The following MAST4 variants were observed in gnomAD, a reference collection of about 807,000 sequenced individuals.
MAST4 encodes microtubule associated serine/threonine kinase family member 4, also known as microtubule-associated serine/threonine-protein kinase 4.
A neutral mutation model predicts 162.7 loss-of-function variants in MAST4; 89 were observed. That is an observed-to-expected ratio of 0.55 (90% CI 0.46 to 0.65). The LOEUF is 0.65. MAST4 is among the 30% of genes least tolerant of loss of function. MAST4 has a pLI of 0.00. For missense variants in MAST4, 3,153 were observed against 3,374.0 expected, an observed-to-expected ratio of 0.93 and a Z score of 1.62; for synonymous variants, 1,479 against 1,361.1, an observed-to-expected ratio of 1.09 and a Z score of -1.91.
chr5:66,710,593 G>GA lies in MAST4; in HGVS notation c.364-49111dup, dbSNP rs1221344105. Among the ~76,000 whole-genome samples, 18 of 152,086 alleles carry GA rather than the reference G, an allele frequency of 1.2e-4. 1 individual carries two copies. Among genetic ancestry groups the GA allele is most frequent in the Non-Finnish European group, 2.9e-5 (2 of 68,006 alleles). On this transcript the variant is annotated intron_variant, in intron 1 of 28. Transcript: ENST00000403625. ...AAAATAATAGGCTGATTTTTTGGGG[G>GA]AAAAATCTAGGTTATGGAGTCTTTT...
At chr5:66,725,927 T>C (rs1751487506) in intron 1 of MAST4, among the ~76,000 whole-genome samples, 1 of 152,192 alleles carries the variant, frequency 6.6e-6, no homozygotes. Context: ...GTGCCTCTTT[T>C]GTAACAGTAA....
At chr5:66,726,976 T>C (rs1751562791) in intron 1 of MAST4, among the ~76,000 whole-genome samples, 1 of 151,944 alleles carries the variant, frequency 6.6e-6, no homozygotes, top group Admixed American at 6.6e-5. Context: ...TACAATATAG[T>C]GGAGAAGGGT....
chr5:66,731,597 CT>C (rs1426023565), intron 1 of MAST4, among the ~76,000 whole-genome samples: 1 of 151,948 alleles, frequency 6.6e-6, no homozygotes, highest in African/African-American at 2.4e-5. Context: ...TCTCTTCCAA[CT>C]TTTTTTTGTT....
intron 11 of MAST4, among the ~76,000 whole-genome samples, chr5:67,111,134 G>T (rs1766186644): frequency 6.6e-6 from 1 of 152,114 alleles, no homozygotes; most frequent in African/African-American, 2.4e-5. Context: ...AGTTAAAACT[G>T]TGAACAAATA....
chr5:66,974,408 A>G (rs1472108270), intron 4 of MAST4, among the ~76,000 whole-genome samples: 4 of 152,182 alleles, frequency 2.6e-5, no homozygotes, highest in Admixed American at 2.6e-4. Flanking sequence ...CTGCTTTTCT[A>G]TTTCATGACA....
At chr5:66,813,201 G>A (rs1273882052) in intron 3 of MAST4, among the ~76,000 whole-genome samples, 1 of 152,246 alleles carries the variant, frequency 6.6e-6, no homozygotes, top group East Asian at 1.9e-4. Flanking sequence ...TTCATCTCAA[G>A]ACTTTTCTAT....
intron 2 of MAST4, among the ~76,000 whole-genome samples, chr5:66,770,173 T>G (rs911981642): frequency 1.3e-5 from 2 of 152,252 alleles, no homozygotes; most frequent in South Asian, 4.1e-4. Context: ...TGACAATGCA[T>G]GGTTTTAAGA....
At chr5:66,639,278 TTGTGTGTGTGTGTGTG>T (rs70987132) in intron 1 of MAST4, among the ~76,000 whole-genome samples, 1 of 138,624 alleles carries the variant, frequency 7.2e-6, no homozygotes, top group Non-Finnish European at 1.6e-5. Context: ...GAGAGGCAGC[TTGTGTGTGTGTGTGTG>T]TGTGTGTGTG....
intron 3 of MAST4, among the ~76,000 whole-genome samples, chr5:66,833,567 T>C (rs560620020): frequency 2.6e-5 from 4 of 152,330 alleles, no homozygotes; most frequent in African/African-American, 9.6e-5. Context: ...TCCAGATTCC[T>C]GTTTCATAAC....
At chr5:66,934,112 A>G in intron 4 of MAST4, among the ~76,000 whole-genome samples, 1 of 152,232 alleles carries the variant, frequency 6.6e-6, no homozygotes, top group East Asian at 1.9e-4. Flanking sequence ...CATGTAAAGT[A>G]ACAATATGAA....
intron 1 of MAST4, among the ~76,000 whole-genome samples, chr5:66,667,854 C>T (rs1747361803): frequency 6.6e-6 from 1 of 152,134 alleles, no homozygotes; most frequent in Non-Finnish European, 1.5e-5. Context: ...AAATGCAATC[C>T]ATTTTCATGT....
chr5:66,788,607 C>CCCA, intron 2 of MAST4, 63 bp from the exon 3 acceptor site: 5 of 1,373,714 alleles, frequency 3.6e-6, no homozygotes, highest in Non-Finnish European at 3.0e-6. Context: ...CCCCCACCCC[C>CCCA]ATTGCAATAA....
At chr5:66,608,498 A>G (rs981258495) in intron 1 of MAST4, among the ~76,000 whole-genome samples, 2 of 150,480 alleles carry the variant, frequency 1.3e-5, no homozygotes, top group African/African-American at 2.5e-5. Context: ...AATATGGACG[A>G]CTTATATGTT....
At chr5:67,065,732 C>T (rs1760152220) in intron 5 of MAST4, among the ~76,000 whole-genome samples, 1 of 152,176 alleles carries the variant, frequency 6.6e-6, no homozygotes. Context: ...ATATCTGTAT[C>T]TTTGAACTTA....
intron 1 of MAST4, among the ~76,000 whole-genome samples, chr5:66,720,514 A>G (rs1751133484): frequency 6.6e-6 from 1 of 152,090 alleles, no homozygotes; most frequent in African/African-American, 2.4e-5. Flanking sequence ...GAAATTTTAT[A>G]TATTCTGTAT....
intron 3 of MAST4, among the ~76,000 whole-genome samples, chr5:66,873,206 C>T (rs899521150): frequency 6.6e-6 from 1 of 152,106 alleles, no homozygotes; most frequent in Non-Finnish European, 1.5e-5. Flanking sequence ...CAAAACACTG[C>T]GGTAGTAGAA....
At chr5:66,599,127 C>T (rs554042077) in intron 1 of MAST4, among the ~76,000 whole-genome samples, 4 of 152,230 alleles carry the variant, frequency 2.6e-5, no homozygotes, top group South Asian at 2.1e-4. Flanking sequence ...TAAAGTGAAA[C>T]GAAAACCAAA....
Position 66,742,618 on chromosome 5 carries a change from A to G in MAST4, c.364-17091A>G, listed in dbSNP as rs146804450. On this transcript the variant is annotated intron_variant, in intron 1 of 28. Transcript: ENST00000403625. The stretch of plus-strand genomic sequence containing the variant: ...ACAAATTATTTTCTGTTTTTACTAC[A>G]CTGTGGCTTCTGGTGAATACTTCTT... 5.9e-5 allele frequency among the ~76,000 whole-genome samples: 9 copies of G among 152,282 alleles called. No homozygotes were observed. In the East Asian group the frequency reaches 1.7e-3, roughly 29 times the overall value.
At chr5:66,642,907 G>A (rs1031109589) in intron 1 of MAST4, among the ~76,000 whole-genome samples, 5 of 152,154 alleles carry the variant, frequency 3.3e-5, no homozygotes, top group Admixed American at 2.0e-4. Context: ...TGGTTTCTAT[G>A]TTGTTATTTC....
Sources: allele counts gnomAD v4.1 joint callset (sites outside exome capture counted in the v4.1 genomes callset), GRCh38; gene constraint gnomAD v4.1.1; transcripts MANE v1.5; gene names NCBI Gene and HGNC (gene_info 2026-07-23, HGNC 2026-07-21).